Variants in REXO1 observed in about 807,000 individuals in gnomAD.
REXO1 encodes RNA exonuclease 1 homolog, also known as REX1, RNA exonuclease 1 homolog.
REXO1 carries 42 observed loss-of-function variants against 102.6 expected under a neutral mutation model. The ratio of observed to expected loss-of-function variants is 0.41; its 90% confidence interval spans 0.32 to 0.53. The LOEUF is 0.53. Ranked by LOEUF, REXO1 falls within the 20% of genes least tolerant of loss-of-function variation. REXO1 has a pLI of 0.27. For missense variants in REXO1, 1,819 were observed against 1,732.5 expected, an observed-to-expected ratio of 1.05 and a Z score of -0.89; for synonymous variants, 908 against 779.1, an observed-to-expected ratio of 1.17 and a Z score of -2.76.
chr19:1,841,730 G>A (rs1455599314), intron 1 of REXO1, among the ~76,000 whole-genome samples: 1 of 151,716 alleles, frequency 6.6e-6, no homozygotes, highest in Non-Finnish European at 1.5e-5. Flanking sequence ...GGAGCGCTCT[G>A]GGGAGCGGCT....
rs1228555148 is a variant in REXO1 at position 1,819,022 on chromosome 19, C to A, written c.2760G>T (p.Leu920=). The A allele has an allele frequency of 6.2e-7, 1 of 1,600,178 alleles. No individual in the cohort carries two copies. Among genetic ancestry groups the A allele is most frequent in the Middle Eastern group, 1.7e-4 (1 of 5,994 alleles). The change falls in exon 8 of 16, where the codon CTG becomes CTT. Residue 920 remains leucine (L), a synonymous_variant. Transcript: ENST00000170168. The part of the protein sequence containing the change: ...SRPSSPRVED[L]KGAALYSRLR... ...AGAGCAGGGGCAGGGCCTTACCTTT[C>A]AGGTCCTCCACCCGGGGGCTGCTTG...
rs577451934 is a variant in REXO1 at position 1,827,083 on chromosome 19, C to A, written c.1706G>T (p.Arg569Leu). 6.5e-7 allele frequency: 1 copy of A among 1,541,290 alleles called. No individual in the cohort carries two copies. Among genetic ancestry groups the A allele is most frequent in the Non-Finnish European group, 8.7e-7 (1 of 1,145,364 alleles). The change falls in exon 2 of 16, where the codon CGG becomes CTG. Residue 569 changes from arginine (R) to leucine (L), a missense_variant. Physicochemically the swap from Arg to Leu is moderately radical, Grantham distance 102. Coordinates refer to ENST00000170168, the MANE Select transcript of REXO1 (RefSeq NM_020695.4). ...GGAGGGGGGCGGGGAGGCCTTGAGC[C>A]GCTTGGGCGGCCCCTGCGCCTCCGG... ...GFPEAQGPPK[R>L]LKASPPPSPA...
At chr19:1,837,818 G>A (rs1453782740) in intron 1 of REXO1, among the ~76,000 whole-genome samples, 1 of 152,212 alleles carries the variant, frequency 6.6e-6, no homozygotes, top group Non-Finnish European at 1.5e-5. Context: ...GCAGGGTCCA[G>A]GGGAGAAAAA....
chr19:1,836,563 A>T (rs1429695391), intron 1 of REXO1, among the ~76,000 whole-genome samples: 1 of 152,048 alleles, frequency 6.6e-6, no homozygotes, highest in African/African-American at 2.4e-5. Context: ...CTGGACAATA[A>T]GGTAAAACCC....
In REXO1 at chr19:1,827,635, G is replaced by A. The variant is rs1418786339; in HGVS notation, c.1154C>T (p.Pro385Leu). Residue 385 changes from proline to leucine, a missense_variant, in exon 2 of 16, where the codon CCT becomes CTT. By Grantham distance (98) the Pro-to-Leu change is moderately conservative. Coordinates refer to ENST00000170168, the MANE Select transcript of REXO1 (RefSeq NM_020695.4). Reference protein sequence around the residue: ...KPKKKKTGAPPAPSCKDGAQG... With the variant: ...KPKKKKTGAPLAPSCKDGAQG... The stretch of plus-strand genomic sequence containing the variant: ...GGCCCCGTCTTTGCAGCTGGGGGCA[G>A]GTGGGGCCCCGGTTTTTTTCTTCTT... The A allele has an allele frequency of 1.3e-6, 2 of 1,572,632 alleles. No homozygotes were observed. Among genetic ancestry groups the A allele is most frequent in the South Asian group, 1.2e-5 (1 of 85,556 alleles).
At chr19:1,841,723 G>C (rs1272790828) in intron 1 of REXO1, among the ~76,000 whole-genome samples, 1 of 151,704 alleles carries the variant, frequency 6.6e-6, no homozygotes, top group African/African-American at 2.4e-5. Context: ...TCTGGGGGGA[G>C]CGCTCTGGGG....
At chr19:1,825,326 C>A (rs1160470485) in intron 3 of REXO1, among the ~76,000 whole-genome samples, 61 of 123,186 alleles carry the variant, frequency 5.0e-4, no homozygotes, top group Non-Finnish European at 7.0e-4. Flanking sequence ...AAAAAAACAA[C>A]CAAAAAACAA....
rs778986364 is a variant in REXO1 at position 1,827,643 on chromosome 19, C to G, written c.1146G>C (p.Gly382=). The stretch of plus-strand genomic sequence containing the variant: ...CTTTGCAGCTGGGGGCAGGTGGGGC[C>G]CCGGTTTTTTTCTTCTTGGGTTTTC... ...KEGKPKKKKT[G]APPAPSCKDG... The change falls in exon 2 of 16, where the codon GGG becomes GGC. Residue 382 remains glycine (G), a synonymous_variant. Coordinates refer to ENST00000170168, the MANE Select transcript of REXO1 (RefSeq NM_020695.4). 1 of 1,570,820 alleles carries G rather than the reference C, an allele frequency of 6.4e-7. No individual in the cohort carries two copies. The highest frequency in any genetic ancestry group is 8.5e-7 in the Non-Finnish European group (1 of 1,171,962).
chr19:1,834,030 G>A (rs11669170), intron 1 of REXO1, among the ~76,000 whole-genome samples: 58,458 of 152,036 alleles, frequency 0.38, 13,102 homozygotes, highest in Non-Finnish European at 0.52. Flanking sequence ...AGGAGGGCAG[G>A]CGGGGGTGGA....
At chr19:1,819,721 G>A (rs2145240190) in intron 7 of REXO1, among the ~76,000 whole-genome samples, 1 of 152,340 alleles carries the variant, frequency 6.6e-6, no homozygotes. Flanking sequence ...CTCAGCGGAG[G>A]AAGGCGGCTG....
chr19:1,823,543 C>G, intron 4 of REXO1, 29 bp downstream of exon 4: 1 of 1,279,336 alleles, frequency 7.8e-7, no homozygotes, highest in Non-Finnish European at 1.0e-6. Flanking sequence ...CACGGCCCCC[C>G]GGCACAGGCC....
rs370136548 is a variant in REXO1, at chr19:1,818,525, G to T, written c.2973C>A (p.Asp991Glu). 1 of 1,611,696 alleles carries T rather than the reference G, an allele frequency of 6.2e-7. No individual in the cohort carries two copies. The highest frequency in any genetic ancestry group is 1.7e-5 in the Admixed American group (1 of 59,886). Reference protein sequence around the residue: ...LVSSSGRCIRDEECYYHWGRL... With the variant: ...LVSSSGRCIREEECYYHWGRL... ...GTCCCCAGTGGTAATAACACTCCTC[G>T]TCCCGGATGCAGCGGCCTGAAGAGG... Residue 991 changes from aspartate (D) to glutamate (E), a missense_variant, in exon 10 of 16, where the codon GAC becomes GAA. By Grantham distance (45) the Asp-to-Glu change is conservative. Transcript: ENST00000170168.
At position 1,819,880 on chromosome 19, in the gene REXO1, G is replaced by A. The variant is rs949916995; in HGVS notation, c.2650+54C>T. ...AGGTCCCAGCGAGGGTCCCAGCCCA[G>A]CTGCCACCCCAAGAGCAACCCTGAG... On this transcript the variant is annotated intron_variant, in intron 7 of 15. Transcript: ENST00000170168. 11 of 1,499,890 alleles carry A rather than the reference G, an allele frequency of 7.3e-6. No homozygotes were observed. In the Admixed American group the frequency reaches 1.7e-4, roughly 23 times the overall value. The allele number at this position is 1,499,890 out of a possible 1,614,324, so 92.9% of individuals were successfully genotyped here.
intron 1 of REXO1, among the ~76,000 whole-genome samples, chr19:1,838,486 T>C (rs1291168643): frequency 1.3e-5 from 2 of 150,314 alleles, no homozygotes; most frequent in Non-Finnish European, 3.0e-5. Flanking sequence ...CCAGCTGTGG[T>C]GGCACATGCC....
Position 1,827,024 on chromosome 19 carries a change from A to G in REXO1, c.1765T>C (p.Ser589Pro). Reference sequence around the variant, plus strand: ...ACATCCGCCCCCGCGCTGGAGGTGGAGGAGGAGGAGGAGGAGGAGGAGGAT... The same window carrying G: ...ACATCCGCCCCCGCGCTGGAGGTGGGGGAGGAGGAGGAGGAGGAGGAGGAT... ...APSSSSSSSS[S>P]TSSAGADVDY... Residue 589 changes from serine to proline, a missense_variant, in exon 2 of 16, where the codon TCC becomes CCC. Transcript: ENST00000170168. The G allele has an allele frequency of 1.8e-6, 1 of 563,482 alleles. No individual in the cohort carries two copies. Among genetic ancestry groups the G allele is most frequent in the Non-Finnish European group, 2.5e-6 (1 of 404,784 alleles). The allele number at this position is 563,482 out of a possible 1,614,324, so 34.9% of individuals were successfully genotyped here. A position where few individuals can be genotyped will look rare whatever the true frequency, so the allele number is the denominator to read the frequency against.
intron 8 of REXO1, 59 bp downstream of exon 8, chr19:1,818,948 TGGCACAGCAGG>T: frequency 6.4e-7 from 1 of 1,571,476 alleles, no homozygotes; most frequent in East Asian, 2.3e-5. Flanking sequence ...AAGCACCGTG[TGGCACAGCAGG>T]GGCTGGGCCG....
intron 4 of REXO1, chr19:1,821,904 G>A (rs970428627): frequency 3.1e-5 from 18 of 579,388 alleles, no homozygotes; most frequent in Non-Finnish European, 4.5e-5. Context: ...TGCGGAGGCC[G>A]CTGAGGACAC....
At chr19:1,840,895 C>T (rs1466113980) in intron 1 of REXO1, among the ~76,000 whole-genome samples, 1 of 152,208 alleles carries the variant, frequency 6.6e-6, no homozygotes, top group Non-Finnish European at 1.5e-5. Context: ...TGTGTCCAGG[C>T]TCAGCCCACA....
At chr19:1,829,914 A>T (rs967452257) in intron 1 of REXO1, among the ~76,000 whole-genome samples, 2 of 152,176 alleles carry the variant, frequency 1.3e-5, no homozygotes, top group Non-Finnish European at 2.9e-5. Flanking sequence ...GATAGCTGGG[A>T]CTATAGCCCA....
Sources: allele counts gnomAD v4.1 joint callset (sites outside exome capture counted in the v4.1 genomes callset), GRCh38; gene constraint gnomAD v4.1.1; transcripts MANE v1.5; gene names NCBI Gene and HGNC (gene_info 2026-07-23, HGNC 2026-07-21).